Variants in SNX13 observed in about 807,000 individuals in gnomAD.
The protein encoded by SNX13 is sorting nexin 13.
SNX13 carries 45 observed loss-of-function variants against 133.6 expected under a neutral mutation model. The ratio of observed to expected loss-of-function variants is 0.34; its 90% CI spans 0.27 to 0.43. SNX13 has a LOEUF of 0.43. Among genes scored for constraint, SNX13 ranks in the 20% least tolerant of loss-of-function variants. SNX13 has a pLI of 1.00. For missense variants in SNX13, 1,032 were observed against 1,145.1 expected, an observed-to-expected ratio of 0.90 and a Z score of 1.43; for synonymous variants, 414 against 373.9, an observed-to-expected ratio of 1.11 and a Z score of -1.24.
chr7:17,797,007 A>G, intron 24 of SNX13, 68 bp from the exon 25 acceptor site: 2 of 1,166,456 alleles, frequency 1.7e-6, no homozygotes, highest in Non-Finnish European at 2.5e-6. Context: ...TGATAAAATT[A>G]TTTCAAATTT....
At chr7:17,909,130 A>G (rs929768656) in intron 1 of SNX13, among the ~76,000 whole-genome samples, 2 of 152,212 alleles carry the variant, frequency 1.3e-5, no homozygotes, top group African/African-American at 4.8e-5. Flanking sequence ...TGCTAATCAA[A>G]AAAAAATTAA....
At chr7:17,873,155 C>A (rs567977606) in intron 8 of SNX13, among the ~76,000 whole-genome samples, 15 of 152,202 alleles carry the variant, frequency 9.9e-5, no homozygotes, top group Non-Finnish European at 1.0e-4. Flanking sequence ...TGGGAGGTTT[C>A]CATGAACCTG....
chr7:17,873,605 C>G lies in SNX13; in HGVS notation c.676G>C (p.Asp226His). The G allele has an allele frequency of 6.4e-7, 1 of 1,561,252 alleles. No homozygotes were observed. The highest frequency in any genetic ancestry group is 8.7e-7 in the Non-Finnish European group (1 of 1,154,376). ...AAATATAGTAAGACCTCACACAAAT[C>G]CCTTAGGAATCCTAAAAGTAGAAAA... is the stretch of plus-strand genomic sequence containing the variant. ...SPKDEEGFLR[D>H]LCEVLLYLLL... The change falls in exon 8 of 26, where the codon GAT becomes CAT. Residue 226 changes from aspartate to histidine, a missense_variant. By Grantham distance (81) the Asp-to-His change is moderately conservative (BLOSUM62 -1). Coordinates refer to ENST00000428135, the MANE Select transcript of SNX13 (RefSeq NM_015132.5).
chr7:17,852,730 A>C (rs930791049), intron 9 of SNX13, among the ~76,000 whole-genome samples: 4 of 152,234 alleles, frequency 2.6e-5, no homozygotes, highest in African/African-American at 9.6e-5. Flanking sequence ...GAATGATCAT[A>C]TAAAGAGTGA....
intron 20 of SNX13, among the ~76,000 whole-genome samples, chr7:17,810,958 T>A (rs1397648664): frequency 6.6e-6 from 1 of 152,162 alleles, no homozygotes; most frequent in Non-Finnish European, 1.5e-5. Context: ...CAACACCCCT[T>A]CATGCTAAAA....
At chr7:17,850,798 T>A in intron 10 of SNX13, 28 bp downstream of exon 10, 2 of 1,458,338 alleles carry the variant, frequency 1.4e-6, no homozygotes, top group Non-Finnish European at 1.8e-6. Flanking sequence ...TTCAAAAAAA[T>A]ATATCTTAAA....
At chr7:17,910,139 G>A (rs1336080717) in intron 1 of SNX13, among the ~76,000 whole-genome samples, 2 of 152,042 alleles carry the variant, frequency 1.3e-5, no homozygotes, top group South Asian at 2.1e-4. Flanking sequence ...TTTCAGTGTT[G>A]CTATTTCTTT....
chr7:17,803,555 C>T lies in SNX13; in HGVS notation c.2090G>A (p.Arg697His), dbSNP rs780884663. 3.7e-6 allele frequency: 6 copies of T among 1,607,940 alleles called. No homozygotes were observed. Among genetic ancestry groups the T allele is most frequent in the Non-Finnish European group, 5.1e-6 (6 of 1,177,206 alleles). ...RKMDTFVNPLRNSMRNVSNAV... is the reference protein window; with the variant it reads ...RKMDTFVNPLHNSMRNVSNAV... ...ATTTGAAACATTCCTCATTGAATTGCGAAGTGGATTTACAAAAGTGTCCAT... is the reference window on the plus strand; with the variant it reads ...ATTTGAAACATTCCTCATTGAATTGTGAAGTGGATTTACAAAAGTGTCCAT... Residue 697 changes from arginine (R) to histidine (H), a missense_variant, in exon 21 of 26, where the codon CGC becomes CAC. Physicochemically the swap from Arg to His is conservative, Grantham distance 29 (BLOSUM62 0). Transcript: ENST00000428135.
At chr7:17,932,250 A>G (rs1034981575) in intron 1 of SNX13, among the ~76,000 whole-genome samples, 3 of 152,194 alleles carry the variant, frequency 2.0e-5, no homozygotes, top group Non-Finnish European at 2.9e-5. Context: ...ATAATTGGTT[A>G]TATCAAAGTA....
intron 5 of SNX13, among the ~76,000 whole-genome samples, chr7:17,883,722 C>G (rs1386645205): frequency 1.3e-5 from 2 of 152,056 alleles, no homozygotes; most frequent in African/African-American, 4.8e-5. Context: ...GCCCCTCACC[C>G]CCCAAGAGGC....
intron 1 of SNX13, among the ~76,000 whole-genome samples, chr7:17,913,485 C>A (rs1195724004): frequency 6.6e-6 from 1 of 152,148 alleles, no homozygotes; most frequent in African/African-American, 2.4e-5. Context: ...AGTTAAGAGC[C>A]CACCTGCCAA....
intron 1 of SNX13, among the ~76,000 whole-genome samples, chr7:17,935,503 T>C (rs10233816): frequency 0.6 from 91,873 of 152,056 alleles, 28,208 homozygotes; most frequent in Admixed American, 0.66. Context: ...TGTCTCACCA[T>C]AGAAAATAAT....
At chr7:17,874,794 T>C (rs1013060406) in intron 7 of SNX13, among the ~76,000 whole-genome samples, 2 of 152,162 alleles carry the variant, frequency 1.3e-5, no homozygotes, top group Non-Finnish European at 2.9e-5. Flanking sequence ...CTAAAACTTG[T>C]CTAGTGTAAA....
At chr7:17,830,637 A>G in intron 15 of SNX13, 1 of 983,900 alleles carries the variant, frequency 1.0e-6, no homozygotes, top group Non-Finnish European at 1.2e-6. Flanking sequence ...AAAAGCAACT[A>G]GGACAAATTA....
At chr7:17,896,858 A>C (rs1797269146) in intron 2 of SNX13, among the ~76,000 whole-genome samples, 1 of 152,162 alleles carries the variant, frequency 6.6e-6, no homozygotes, top group African/African-American at 2.4e-5. Context: ...AACTATGAAG[A>C]GAAAACTGCA....
intron 11 of SNX13, among the ~76,000 whole-genome samples, chr7:17,849,205 C>T (rs1361395532): frequency 6.6e-6 from 1 of 152,216 alleles, no homozygotes; most frequent in East Asian, 1.9e-4. Flanking sequence ...TTCCTCCTCT[C>T]TCAGTGTTAC....
chr7:17,869,866 TCACACACACACAGACACACACACA>T (rs1793859419), intron 8 of SNX13, among the ~76,000 whole-genome samples: 1 of 133,734 alleles, frequency 7.5e-6, no homozygotes. Flanking sequence ...GAAAATTTAC[TCACACACACACAGACACACACACA>T]CACACACACA....
chr7:17,939,319 G>A (rs1348064514), intron 1 of SNX13, among the ~76,000 whole-genome samples: 1 of 152,098 alleles, frequency 6.6e-6, no homozygotes, highest in Non-Finnish European at 1.5e-5. Context: ...AGTTCCTCAC[G>A]TCAGGATCCT....
chr7:17,876,319 G>A (rs1203607729), intron 5 of SNX13, among the ~76,000 whole-genome samples: 2 of 152,154 alleles, frequency 1.3e-5, no homozygotes, highest in African/African-American at 4.8e-5. Context: ...AGTGGCTCAC[G>A]CCTATAATCC....
Sources: allele counts gnomAD v4.1 joint callset (sites outside exome capture counted in the v4.1 genomes callset), GRCh38; gene constraint gnomAD v4.1.1; transcripts MANE v1.5; gene names NCBI Gene and HGNC (gene_info 2026-07-23, HGNC 2026-07-21).